NFASC: variants seen among roughly 807,000 people sequenced by gnomAD.
The protein encoded by NFASC is neurofascin.
NFASC carries 43 observed loss-of-function variants against 147.5 expected under a neutral mutation model. The ratio of observed to expected loss-of-function variants is 0.29; its 90% CI spans 0.23 to 0.38. The LOEUF (loss-of-function observed/expected upper bound fraction) is 0.38, where lower values mean the gene tolerates loss of function less well. Ranked by LOEUF, NFASC falls within the 10% of genes least tolerant of loss-of-function variation. The pLI is 1.00. For missense variants in NFASC, 1,320 were observed against 1,689.0 expected (o/e 0.78, Z 3.83); for synonymous variants, 622 against 665.5 (o/e 0.93, Z 1.01).
intron 1 of NFASC, among the ~76,000 whole-genome samples, chr1:204,920,003 A>T (rs73079687): frequency 1.2e-3 from 187 of 152,332 alleles, no homozygotes; most frequent in African/African-American, 4.4e-3. Context: ...ATTGTTCAGA[A>T]CTGGTCTTGA....
chr1:204,940,193 C>T (rs771188621), intron 2 of NFASC, among the ~76,000 whole-genome samples: 12 of 152,220 alleles, frequency 7.9e-5, no homozygotes, highest in Non-Finnish European at 1.6e-4. Context: ...TGGCTCACAC[C>T]TATAATCCCA....
intron 16 of NFASC, chr1:204,977,074 G>T: frequency 1.6e-6 from 2 of 1,228,388 alleles, no homozygotes; most frequent in Non-Finnish European, 2.0e-6. Flanking sequence ...GGGGTTTCTC[G>T]TTGTGATCAT....
intron 1 of NFASC, among the ~76,000 whole-genome samples, chr1:204,860,125 A>G (rs1190020498): frequency 6.6e-6 from 1 of 152,182 alleles, no homozygotes; most frequent in Non-Finnish European, 1.5e-5. Context: ...TTCCCAGCCT[A>G]CAGGCTCACA....
chr1:204,974,914 C>A, intron 14 of NFASC, 91 bp downstream of exon 14: 2 of 1,350,660 alleles, frequency 1.5e-6, no homozygotes, highest in Non-Finnish European at 2.1e-6. Context: ...ATTGAAAATG[C>A]ACCACACCTG....
chr1:204,915,334 T>C (rs1360747304), intron 1 of NFASC, among the ~76,000 whole-genome samples: 1 of 152,126 alleles, frequency 6.6e-6, no homozygotes, highest in African/African-American at 2.4e-5. Context: ...TGAATGAATA[T>C]AGAAAGATAT....
At chr1:204,840,341 G>A (rs1229881898) in intron 1 of NFASC, among the ~76,000 whole-genome samples, 3 of 152,170 alleles carry the variant, frequency 2.0e-5, no homozygotes, top group Non-Finnish European at 4.4e-5. Context: ...TCTGAGGGTT[G>A]GGTCTAGGTA....
chr1:204,864,892 T>C (rs1356316451), intron 1 of NFASC, among the ~76,000 whole-genome samples: 2 of 152,222 alleles, frequency 1.3e-5, no homozygotes. Context: ...CTGTAGGTTG[T>C]CTTTTCACTT....
In NFASC at chr1:205,001,304, GGGTGGTGGTGGCGGCAGCGGCGTC is replaced by G; in HGVS notation, c.3136+21_3136+44del. 1 of 1,537,088 alleles carries G rather than the reference GGGTGGTGGTGGCGGCAGCGGCGTC, an allele frequency of 6.5e-7. No individual in the cohort carries two copies. The highest frequency in any genetic ancestry group is 9.0e-7 in the Non-Finnish European group (1 of 1,115,102). Reference sequence around the variant, plus strand: ...CATCGACAGTAAGCATTGCTGTGCGGGGTGGTGGTGGCGGCAGCGGCGTCGGCAGCAGCGGCGGGTAGTGGTAGA... The same window carrying G: ...CATCGACAGTAAGCATTGCTGTGCGGGGCAGCAGCGGCGGGTAGTGGTAGA... On this transcript the variant is annotated intron_variant, in intron 26 of 29. Coordinates refer to ENST00000339876, the MANE Select transcript of NFASC (RefSeq NM_001005388.3).
intron 2 of NFASC, among the ~76,000 whole-genome samples, chr1:204,936,925 A>G (rs2595954): frequency 0.15 from 22,093 of 152,270 alleles, 2,048 homozygotes; most frequent in African/African-American, 0.26. Flanking sequence ...AGCTCCAGCC[A>G]TGCTGGCTTC....
chr1:204,834,980 T>C (rs1673270524), intron 1 of NFASC, among the ~76,000 whole-genome samples: 1 of 151,360 alleles, frequency 6.6e-6, no homozygotes, highest in Non-Finnish European at 1.5e-5. Flanking sequence ...ATTATTCTCA[T>C]CATCATCACC....
chr1:204,837,853 G>C (rs1674206681), intron 1 of NFASC, among the ~76,000 whole-genome samples: 1 of 152,170 alleles, frequency 6.6e-6, no homozygotes, highest in African/African-American at 2.4e-5. Context: ...TCCTTGTGAT[G>C]AAAGCAAAAG....
chr1:204,902,775 G>A (rs557742862), intron 1 of NFASC, among the ~76,000 whole-genome samples: 103 of 152,326 alleles, frequency 6.8e-4, no homozygotes, highest in Non-Finnish European at 9.8e-4. Flanking sequence ...GGGTGCTTAA[G>A]AGGAAAAGGG....
chr1:204,960,964 A>G (rs1025806955), intron 8 of NFASC, among the ~76,000 whole-genome samples: 1 of 152,210 alleles, frequency 6.6e-6, no homozygotes, highest in African/African-American at 2.4e-5. Flanking sequence ...ACTAGTTGTA[A>G]TGGGATTGGA....
At chr1:204,919,864 C>T (rs2090099620) in intron 1 of NFASC, among the ~76,000 whole-genome samples, 1 of 152,070 alleles carries the variant, frequency 6.6e-6, no homozygotes, top group South Asian at 2.1e-4. Flanking sequence ...AGTGATCCAC[C>T]CTCCTTGGCC....
chr1:204,973,221 C>T lies in NFASC; in HGVS notation c.1136-55C>T. The T allele has an allele frequency of 5.6e-6, 9 of 1,599,312 alleles. No homozygotes were observed. The South Asian group carries it at 7.8e-5, about 14-fold the overall frequency. On this transcript the variant is annotated intron_variant, in intron 11 of 29. Transcript: ENST00000339876. ...GGAGCCCTGGCCAGAGCCCCAAGTG[C>T]CCTTCACCCTGCCCTCCCCATCTCT...
intron 1 of NFASC, among the ~76,000 whole-genome samples, chr1:204,838,005 A>G (rs1378462163): frequency 2.6e-5 from 4 of 152,164 alleles, no homozygotes; most frequent in African/African-American, 9.7e-5. Context: ...CCCTCTATTC[A>G]GCATCCCACA....
intron 3 of NFASC, among the ~76,000 whole-genome samples, chr1:204,945,320 C>T (rs2093648945): frequency 6.6e-6 from 1 of 152,188 alleles, no homozygotes; most frequent in African/African-American, 2.4e-5. Flanking sequence ...CAGAGGGGAC[C>T]CACATGACAC....
chr1:204,995,956 C>T (rs1574296847), intron 24 of NFASC, among the ~76,000 whole-genome samples: 1 of 152,070 alleles, frequency 6.6e-6, no homozygotes, highest in East Asian at 1.9e-4. Flanking sequence ...GCCCCATTAG[C>T]GTCAACACTA....
At chr1:204,888,992 T>A (rs1052648425) in intron 1 of NFASC, among the ~76,000 whole-genome samples, 2 of 152,150 alleles carry the variant, frequency 1.3e-5, no homozygotes, top group African/African-American at 4.8e-5. Flanking sequence ...TTCCTTGGGG[T>A]TCACCCTGGT....
Sources: gnomAD v4.1 joint callset for allele counts (sites outside exome capture counted in the v4.1 genomes callset) on GRCh38, gnomAD v4.1.1 for gene constraint, MANE v1.5 for transcripts, NCBI Gene and HGNC (gene_info 2026-07-23, HGNC 2026-07-21) for gene names.